Variants in RIF1 observed in about 807,000 individuals in gnomAD.
RIF1 encodes the protein telomere-associated protein RIF1.
Under a neutral mutation model 247.1 loss-of-function variants are expected in RIF1, and 45 were observed. The ratio of observed to expected loss-of-function variants is 0.18; its 90% confidence interval spans 0.14 to 0.23. RIF1 has a LOEUF of 0.23. RIF1 is among the 10% of genes least tolerant of loss of function. RIF1 has a pLI of 1.00. For synonymous variants in RIF1, 1,087 were observed against 978.8 expected (o/e 1.11, Z -2.06); for missense variants, 2,967 against 2,862.5 (o/e 1.04, Z -0.83).
downstream of RIF1, among the ~76,000 whole-genome samples, chr2:151,511,770 TATTC>T (rs2074562767): frequency 6.6e-6 from 1 of 152,178 alleles, no homozygotes; most frequent in Non-Finnish European, 1.5e-5. Flanking sequence ...GATGGAGAGT[TATTC>T]ATCATGAGGG....
At chr2:151,499,403 A>G (rs763676617) in exon 11 of RIF1, 3 of 1,462,870 alleles carry the variant, frequency 2.1e-6, no homozygotes, top group South Asian at 2.4e-5. Context: ...GTATGACACA[A>G]GAAAGCATCC....
the RIF1 span, among the ~76,000 whole-genome samples, chr2:151,520,742 T>TA: frequency 0.015 from 2,252 of 152,222 alleles, 79 homozygotes; most frequent in East Asian, 0.14. Context: ...TGCACCCCTG[T>TA]AGTCTCAGCT....
chr2:151,451,163 A>G (rs1023501073), intron 20 of RIF1, among the ~76,000 whole-genome samples: 1 of 152,224 alleles, frequency 6.6e-6, no homozygotes, highest in Non-Finnish European at 1.5e-5. Context: ...AACAGACCGC[A>G]AATCTAGTGC....
intron 12 of RIF1, among the ~76,000 whole-genome samples, chr2:151,504,166 T>G (rs1319743839): frequency 2.0e-5 from 3 of 152,184 alleles, no homozygotes; most frequent in Non-Finnish European, 4.4e-5. Context: ...AATGAGTTCT[T>G]TTAAATGGAT....
intron 3 of RIF1, among the ~76,000 whole-genome samples, chr2:151,413,810 A>G (rs969456265): frequency 3.3e-5 from 5 of 152,200 alleles, no homozygotes; most frequent in South Asian, 2.1e-4. Context: ...TACATTTGCT[A>G]TTCTTCCTGC....
rs1052587221 is a variant in RIF1, at chr2:151,498,233, A to AT, written c.*514-1106dup. 66 of 1,550,764 alleles carry AT rather than the reference A, an allele frequency of 4.3e-5. No individual in the cohort carries two copies. The African/African-American group carries it at 6.0e-4, about 14-fold the overall frequency. ...CAGTTTAATTCTGAAGTTAAGTGGCATTTTTTCCCCTTTCTTTCCAAAATA... is the reference window on the plus strand; with the variant it reads ...CAGTTTAATTCTGAAGTTAAGTGGCATTTTTTTCCCCTTTCTTTCCAAAATA... On this transcript the variant is annotated intron_variant and NMD_transcript_variant, in intron 10 of 13. Coordinates refer to the RIF1 transcript ENST00000454583.
At chr2:151,422,812 T>A in intron 7 of RIF1, 138 bp from the exon 8 acceptor site, 1 of 510,926 alleles carries the variant, frequency 2.0e-6, no homozygotes, top group East Asian at 3.8e-5. Flanking sequence ...CCACCGCACC[T>A]GGCCTTGGGT....
At chr2:151,410,122 C>T (rs1324708344) in intron 1 of RIF1, 89 bp downstream of exon 1, 1 of 684,828 alleles carries the variant, frequency 1.5e-6, no homozygotes, top group South Asian at 1.5e-5. Flanking sequence ...ATGCCTCGTT[C>T]CCCGGGCTTC....
downstream of RIF1, among the ~76,000 whole-genome samples, chr2:151,486,990 G>A (rs550979811): frequency 6.6e-6 from 1 of 152,262 alleles, no homozygotes; most frequent in East Asian, 1.9e-4. Context: ...TGGAAAAAAA[G>A]CTTAAAATCA....
the RIF1 span, chr2:151,518,914 A>G: frequency 7.9e-7 from 1 of 1,264,682 alleles, no homozygotes; most frequent in Non-Finnish European, 1.2e-6. Flanking sequence ...GAAAGAATTT[A>G]GTTCCAAATG....
chr2:151,430,806 A>G (rs1466640377), intron 9 of RIF1, among the ~76,000 whole-genome samples: 1 of 151,196 alleles, frequency 6.6e-6, no homozygotes, highest in African/African-American at 2.4e-5. Flanking sequence ...GGCGTGTGCC[A>G]CCATTTCTGG....
In RIF1 at chr2:151,480,978, A is replaced by G. The variant is rs1423459245; in HGVS notation, c.*5907A>G. The G allele has an allele frequency of 1.5e-5, 2 of 137,536 alleles. No homozygotes were observed. Among genetic ancestry groups the G allele is most frequent in the Non-Finnish European group, 3.2e-5 (2 of 61,918 alleles). 8.5% of individuals were successfully genotyped at this position (137,536 alleles called of 1,614,324 possible). On this transcript the variant is annotated 3_prime_UTR_variant, in exon 36 of 36. Transcript: ENST00000444746. ...TGGTGAAAAAAGTCAAAAGAAGGAC[A>G]TTTTGTGACACATGAAAACATATTA...
intron 9 of RIF1, chr2:151,492,383 T>C (rs1202531540): frequency 6.3e-7 from 1 of 1,596,806 alleles, no homozygotes; most frequent in African/African-American, 1.3e-5. Context: ...AATTCCTGAC[T>C]CACCGTTGAG....
At chr2:151,427,351 C>A (rs1689285136) in intron 8 of RIF1, among the ~76,000 whole-genome samples, 1 of 151,692 alleles carries the variant, frequency 6.6e-6, no homozygotes, top group Admixed American at 6.6e-5. Context: ...GCTGGGATTA[C>A]AGGCATGTGC....
chr2:151,441,029 G>A (rs1692203924), intron 15 of RIF1, among the ~76,000 whole-genome samples: 1 of 152,122 alleles, frequency 6.6e-6, no homozygotes, highest in Non-Finnish European at 1.5e-5. Context: ...GCTCACATCT[G>A]TAATCCCAGC....
intron 7 of RIF1, among the ~76,000 whole-genome samples, chr2:151,421,367 A>G (rs1473253652): frequency 6.6e-6 from 1 of 152,186 alleles, no homozygotes; most frequent in Non-Finnish European, 1.5e-5. Context: ...ATGTAGATAA[A>G]GAACCAGACA....
intron 22 of RIF1, among the ~76,000 whole-genome samples, chr2:151,455,416 A>G (rs1695021323): frequency 6.6e-6 from 1 of 152,146 alleles, no homozygotes; most frequent in Admixed American, 6.5e-5. Context: ...GTTTATGCAA[A>G]CAAGCATACC....
At chr2:151,526,114 T>G in the RIF1 span, 2 of 1,611,876 alleles carry the variant, frequency 1.2e-6, no homozygotes, top group Non-Finnish European at 1.7e-6. Flanking sequence ...GCCTGGGGCG[T>G]TCTCCCAAGA....
rs746468181 is a variant in RIF1 at position 151,465,549 on chromosome 2, C to T, written c.6029C>T (p.Ser2010Leu). Residue 2010 changes from serine (S) to leucine (L), a missense_variant, in exon 30 of 36, where the codon TCA becomes TTA. Physicochemically the swap from Ser to Leu is moderately radical, Grantham distance 145 (BLOSUM62 -2). Coordinates refer to ENST00000444746, the MANE Select transcript of RIF1 (RefSeq NM_018151.5). ...GGAAATGATGTATCTGATCTACACT[C>T]ATCTGAAGAAACGAATACCAAAATG... ...DGGNDVSDLH[S>L]SEETNTKMKN... is the part of the protein sequence containing the mutation. 4.3e-6 allele frequency: 7 copies of T among 1,613,912 alleles called. No homozygotes were observed. The Admixed American group carries it at 1.2e-4, about 27-fold the overall frequency.
Sources: gnomAD v4.1 joint callset for allele counts (sites outside exome capture counted in the v4.1 genomes callset) on GRCh38, gnomAD v4.1.1 for gene constraint, MANE v1.5 for transcripts, NCBI Gene and HGNC (gene_info 2026-07-23, HGNC 2026-07-21) for gene names.